The following MAP4K3 variants were observed in gnomAD, a reference collection of about 807,000 sequenced individuals.
MAP4K3 encodes the protein MAPK/ERK kinase kinase kinase 3.
Under a neutral mutation model 143.5 loss-of-function variants are expected in MAP4K3, and 94 were observed. That is an observed-to-expected ratio of 0.65 (90% confidence interval 0.55 to 0.78). The LOEUF is 0.78. Among genes scored for constraint, MAP4K3 ranks in the 30% least tolerant of loss-of-function variants. The pLI is 0.00. For synonymous variants in MAP4K3, 416 were observed against 347.2 expected (o/e 1.20, Z -2.20); for missense variants, 1,077 against 1,068.1 (o/e 1.01, Z -0.12).
intron 26 of MAP4K3, among the ~76,000 whole-genome samples, chr2:39,271,585 T>C (rs1681026141): frequency 6.6e-6 from 1 of 152,120 alleles, no homozygotes; most frequent in South Asian, 2.1e-4. Context: ...AACTTCAAAC[T>C]AATTATCTTC....
chr2:39,274,507 A>G (rs1681167795), intron 24 of MAP4K3, among the ~76,000 whole-genome samples: 1 of 152,214 alleles, frequency 6.6e-6, no homozygotes, highest in African/African-American at 2.4e-5. Flanking sequence ...GGCATGAGCC[A>G]TCGCGCCTGA....
intron 26 of MAP4K3, among the ~76,000 whole-genome samples, chr2:39,270,568 T>C (rs551017562): frequency 1.3e-5 from 2 of 152,348 alleles, no homozygotes; most frequent in South Asian, 2.1e-4. Context: ...CAGATGAGTA[T>C]ATAGGTTCCA....
intron 2 of MAP4K3, among the ~76,000 whole-genome samples, chr2:39,369,590 G>C (rs55961227): frequency 0.048 from 7,288 of 152,148 alleles, 292 homozygotes; most frequent in African/African-American, 0.11. Context: ...TACTACCTTT[G>C]CTTTTATACT....
At chr2:39,422,491 T>C (rs1187173272) in intron 1 of MAP4K3, among the ~76,000 whole-genome samples, 1 of 152,128 alleles carries the variant, frequency 6.6e-6, no homozygotes, top group East Asian at 1.9e-4. Flanking sequence ...GACCTTGATC[T>C]CAGACTTCTA....
At chr2:39,431,979 G>C (rs1223535007) in intron 1 of MAP4K3, among the ~76,000 whole-genome samples, 3 of 152,194 alleles carry the variant, frequency 2.0e-5, no homozygotes, top group Non-Finnish European at 4.4e-5. Context: ...AGTATCTAGA[G>C]AGTCTCTCAG....
At chr2:39,254,645 T>C (rs1680278621) in intron 31 of MAP4K3, 125 bp from the exon 32 acceptor site, 1 of 635,442 alleles carries the variant, frequency 1.6e-6, no homozygotes, top group African/African-American at 1.8e-5. Context: ...ATTCCATATT[T>C]ATATGGCATC....
chr2:39,291,792 G>A (rs1558626582), intron 18 of MAP4K3, among the ~76,000 whole-genome samples: 1 of 152,100 alleles, frequency 6.6e-6, no homozygotes, highest in Non-Finnish European at 1.5e-5. Flanking sequence ...TGGGAGGACT[G>A]CTTGAGCCAG....
rs1249854907 is a variant in MAP4K3, at chr2:39,252,963, C to A, written c.2542-1078G>T. Among the ~76,000 whole-genome samples, 3 of 149,384 alleles carry A rather than the reference C, an allele frequency of 2.0e-5. No homozygotes were observed. In the East Asian group the frequency reaches 6.1e-4, roughly 30 times the overall value. ...GTTCTCAGGTGACTTTTTGGGTGAA[C>A]TTTTTCCTTTTAGTTTTTAAACCAC... is the stretch of plus-strand genomic sequence containing the variant. On this transcript the variant is annotated intron_variant, in intron 32 of 33. Transcript: ENST00000263881.
chr2:39,422,956 T>C (rs946298640), intron 1 of MAP4K3, among the ~76,000 whole-genome samples: 2 of 152,032 alleles, frequency 1.3e-5, no homozygotes, highest in African/African-American at 4.8e-5. Flanking sequence ...AAACTTCTGC[T>C]CTGCAAAAGA....
At chr2:39,403,696 C>T (rs886708218) in intron 1 of MAP4K3, among the ~76,000 whole-genome samples, 1 of 151,900 alleles carries the variant, frequency 6.6e-6, no homozygotes, top group East Asian at 1.9e-4. Flanking sequence ...AGTCGTAGGG[C>T]TGAGTGGGGC....
rs933012104 is a variant in MAP4K3 at position 39,328,245 on chromosome 2, C to T, written c.531-1968G>A. On this transcript the variant is annotated intron_variant, in intron 8 of 33. Transcript: ENST00000263881. ...ACTTGGGAGGCTGAGGTGGGACGAT[C>T]GCTTGAGCCTGGGAAGTAGAGGTTG... Among the ~76,000 whole-genome samples the T allele has an allele frequency of 2.6e-5, 4 of 152,106 alleles. No individual in the cohort carries two copies. In the South Asian group the frequency reaches 6.2e-4, roughly 24 times the overall value.
chr2:39,380,934 C>T (rs1666341086), intron 1 of MAP4K3, among the ~76,000 whole-genome samples: 1 of 152,112 alleles, frequency 6.6e-6, no homozygotes, highest in South Asian at 2.1e-4. Flanking sequence ...CTTTCATCAC[C>T]TCAAAAAGAA....
At position 39,258,566 on chromosome 2, in the gene MAP4K3, G is replaced by C. The variant is rs1473396175; in HGVS notation, c.2330C>G (p.Thr777Ser). The C allele has an allele frequency of 1.9e-6, 3 of 1,613,396 alleles. No individual in the cohort carries two copies. The African/African-American group carries it at 4.0e-5, about 22-fold the overall frequency. ...ATCTCTCTCCAGTTGGGTTACATGAGTAACATTTGTCTGTGGGGTATCTAC... is the reference window on the plus strand; with the variant it reads ...ATCTCTCTCCAGTTGGGTTACATGACTAACATTTGTCTGTGGGGTATCTAC... ...TESDTPQTNV[T>S]HVTQLERDTI... is the part of the protein sequence containing the mutation. The change falls in exon 30 of 34, where the codon ACT (threonine) becomes AGT (serine). Residue 777 changes from threonine to serine, a missense_variant. Physicochemically the swap from Thr to Ser is moderately conservative, Grantham distance 58 (BLOSUM62 1). Around this residue, in one of 2 missense-constraint regions of MAP4K3, gnomAD observed 864 missense variants for 801.2 expected, o/e 1.08. Transcript: ENST00000263881.
intron 1 of MAP4K3, among the ~76,000 whole-genome samples, chr2:39,408,608 A>G (rs1010295846): frequency 2.0e-5 from 3 of 151,196 alleles, no homozygotes; most frequent in African/African-American, 7.3e-5. Context: ...AGAGTCAGTC[A>G]AGGAAATCAT....
At chr2:39,306,399 C>A (rs1682708048) in intron 15 of MAP4K3, among the ~76,000 whole-genome samples, 1 of 152,186 alleles carries the variant, frequency 6.6e-6, no homozygotes, top group African/African-American at 2.4e-5. Flanking sequence ...TCTCTTTATG[C>A]CATTGAACAC....
chr2:39,392,571 C>T (rs562492607), intron 1 of MAP4K3, among the ~76,000 whole-genome samples: 1 of 152,152 alleles, frequency 6.6e-6, no homozygotes, highest in Non-Finnish European at 1.5e-5. Context: ...ATGTTTTATA[C>T]TTCTTGCTGA....
intron 8 of MAP4K3, among the ~76,000 whole-genome samples, 179 bp from the exon 9 acceptor site, chr2:39,326,456 A>G (rs1380622689): frequency 6.6e-6 from 1 of 152,136 alleles, no homozygotes; most frequent in East Asian, 1.9e-4. Context: ...ACATCTCATA[A>G]GACCCTCATT....
chr2:39,319,232 T>C (rs982553901), intron 12 of MAP4K3, among the ~76,000 whole-genome samples: 3 of 151,780 alleles, frequency 2.0e-5, no homozygotes, highest in Non-Finnish European at 4.4e-5. Flanking sequence ...TTACATACTT[T>C]TTTTTTTTTT....
At chr2:39,426,676 C>T (rs1665098219) in intron 1 of MAP4K3, among the ~76,000 whole-genome samples, 2 of 151,968 alleles carry the variant, frequency 1.3e-5, no homozygotes, top group African/African-American at 4.8e-5. Flanking sequence ...ATTATTCTCT[C>T]ATTCTTTGCA....
Sources: allele counts gnomAD v4.1 joint callset (sites outside exome capture counted in the v4.1 genomes callset), GRCh38; gene constraint gnomAD v4.1.1; regional missense constraint gnomAD v4.1.1; transcripts MANE v1.5; gene names NCBI Gene and HGNC (gene_info 2026-07-23, HGNC 2026-07-21).